CHAT: variants seen among roughly 807,000 people sequenced by gnomAD.
CHAT encodes the protein acetyl CoA:choline O-acetyltransferase.
A neutral mutation model predicts 76.9 loss-of-function variants in CHAT; 61 were observed. That is an observed-to-expected ratio of 0.79 (90% confidence interval 0.65 to 0.98). CHAT has a LOEUF of 0.98. Ranked by LOEUF, CHAT falls within the 50% of genes least tolerant of loss-of-function variation. The probability of loss-of-function intolerance (pLI) is 0.00; values close to 1 mark genes in which losing one functional copy is unlikely to be tolerated. For synonymous variants in CHAT, 407 were observed against 397.4 expected (o/e 1.02, Z -0.29); for missense variants, 946 against 986.9 (o/e 0.96, Z 0.56).
At chr10:49,642,673 G>C (rs12358003) in intron 7 of CHAT, among the ~76,000 whole-genome samples, 14,640 of 152,322 alleles carry the variant, frequency 0.096, 958 homozygotes, top group Non-Finnish European at 0.14. Context: ...GCATGCTGTG[G>C]GCTGCCTCAG....
intron 14 of CHAT, among the ~76,000 whole-genome samples, chr10:49,664,450 C>T (rs545439833): frequency 6.6e-6 from 1 of 152,274 alleles, no homozygotes; most frequent in East Asian, 1.9e-4. Context: ...TAGTAAATTA[C>T]CTGATTGCCT....
intron 13 of CHAT, among the ~76,000 whole-genome samples, chr10:49,658,455 T>C (rs1420475069): frequency 6.6e-6 from 1 of 151,874 alleles, no homozygotes; most frequent in Admixed American, 6.6e-5. Flanking sequence ...GAGGTGGAGG[T>C]TGCAGTGAGC....
chr10:49,660,501 C>T (rs1840160500), intron 13 of CHAT, among the ~76,000 whole-genome samples: 1 of 150,418 alleles, frequency 6.6e-6, no homozygotes, highest in East Asian at 1.9e-4. Flanking sequence ...ATAGGTAAAA[C>T]TGAGAAATTC....
chr10:49,614,145 T>C lies in CHAT; in HGVS notation c.-45T>C. 1 of 1,501,438 alleles carries C rather than the reference T, an allele frequency of 6.7e-7. No homozygotes were observed. Among genetic ancestry groups the C allele is most frequent in the South Asian group, 1.2e-5 (1 of 82,938 alleles). The allele number at this position is 1,501,438 out of a possible 1,614,324, so 93.0% of individuals were successfully genotyped here. On this transcript the variant is annotated 5_prime_UTR_variant, in exon 1 of 15. Coordinates refer to ENST00000337653, the MANE Select transcript of CHAT (RefSeq NM_020549.5). ...TCCGGGAAGCGCTCCGGGTAGATTC[T>C]GGGGGCCGGGAGCTGAGATCCCTGG...
At chr10:49,641,416 G>A (rs1839477131) in intron 7 of CHAT, among the ~76,000 whole-genome samples, 1 of 152,152 alleles carries the variant, frequency 6.6e-6, no homozygotes, top group Non-Finnish European at 1.5e-5. Context: ...CGGGAGGAAT[G>A]GGGAAAAGTA....
intron 4 of CHAT, among the ~76,000 whole-genome samples, chr10:49,621,520 C>T (rs1308638386): frequency 6.6e-6 from 1 of 152,200 alleles, no homozygotes; most frequent in African/African-American, 2.4e-5. Flanking sequence ...TGCCTTTCCC[C>T]AAGCACTCGA....
Position 49,627,750 on chromosome 10 carries a change from G to A in CHAT, c.1076G>A (p.Ser359Asn), listed in dbSNP as rs1564477272. 2.5e-6 allele frequency: 4 copies of A among 1,614,030 alleles called. No homozygotes were observed. Among genetic ancestry groups the A allele is most frequent in the Non-Finnish European group, 3.4e-6 (4 of 1,179,892 alleles). ...GGCCTGCTGACGTCTGACGGGAGGA[G>A]CGAGTGGGCCGAGGCCAGGACGGTC... ...PIGLLTSDGR[S>N]EWAEARTVLV... is the part of the protein sequence containing the mutation. The change falls in exon 7 of 15, where the codon AGC becomes AAC. Residue 359 changes from serine (S) to asparagine (N), a missense_variant. Transcript: ENST00000337653.
intron 13 of CHAT, among the ~76,000 whole-genome samples, chr10:49,657,104 C>A (rs1840059616): frequency 1.3e-5 from 2 of 152,160 alleles, no homozygotes. Context: ...GCTTGGGAGA[C>A]TGGGTAATTT....
chr10:49,619,772 G>C lies in CHAT; in HGVS notation c.435G>C (p.Thr145=). 1.2e-6 allele frequency: 2 copies of C among 1,613,896 alleles called. No homozygotes were observed. Among genetic ancestry groups the C allele is most frequent in the Non-Finnish European group, 1.7e-6 (2 of 1,180,022 alleles). ...PVPPLQQTLA[T]YLQCMRHLVS... ...CCCCGCTGCAGCAGACCCTGGCCAC[G>C]TACCTGCAGTGCATGCGACACTTGG... Residue 145 remains threonine (T), a synonymous_variant, in exon 3 of 15, where the codon ACG becomes ACC. Transcript: ENST00000337653.
upstream of CHAT, chr10:49,612,139 C>T (rs1211145611): frequency 1.2e-6 from 2 of 1,611,912 alleles, no homozygotes; most frequent in Non-Finnish European, 1.7e-6. Context: ...TCCCGTCTTG[C>T]TGCTGCTCCG....
intron 7 of CHAT, among the ~76,000 whole-genome samples, 197 bp from the exon 8 acceptor site, chr10:49,646,308 G>T (rs915406048): frequency 6.6e-6 from 1 of 152,224 alleles, no homozygotes; most frequent in Admixed American, 6.5e-5. Context: ...CCTGGGGTAG[G>T]ACAGAGGCTC....
rs148330192 is a variant in CHAT at position 49,641,766 on chromosome 10, G to C, written c.1112-4739G>C. 2.2e-3 allele frequency among the ~76,000 whole-genome samples: 338 copies of C among 152,288 alleles called. 2 individuals carry two copies. Among genetic ancestry groups the C allele is most frequent in the African/African-American group, 7.7e-3 (322 of 41,550 alleles). On this transcript the variant is annotated intron_variant, in intron 7 of 14. Coordinates refer to ENST00000337653, the MANE Select transcript of CHAT (RefSeq NM_020549.5). The stretch of plus-strand genomic sequence containing the variant: ...GACTGTGAGAAGGGGGATGGGCATG[G>C]CATAGAAATCTGACTTGTGCTAACT...
intron 7 of CHAT, 147 bp downstream of exon 7, chr10:49,627,932 A>G (rs1838983790): frequency 1.1e-6 from 1 of 907,736 alleles, no homozygotes; most frequent in Non-Finnish European, 1.7e-6. Context: ...GGCCAGCCAC[A>G]GTGCCTTGCC....
intron 6 of CHAT, 101 bp downstream of exon 6, chr10:49,625,754 A>T: frequency 2.3e-5 from 29 of 1,237,870 alleles, no homozygotes; most frequent in Non-Finnish European, 3.0e-5. Context: ...TCCTTCCCTG[A>T]GTCACACAGG....
At chr10:49,610,196 A>T (rs1838252054), upstream of CHAT, 2 of 150,692 alleles carry the variant, frequency 1.3e-5, no homozygotes, top group South Asian at 4.1e-4. Context: ...CGCCCCGCCG[A>T]CGTCGCATTA....
chr10:49,614,794 C>T (rs1443995498), intron 1 of CHAT, among the ~76,000 whole-genome samples: 1 of 152,118 alleles, frequency 6.6e-6, no homozygotes, highest in East Asian at 1.9e-4. Flanking sequence ...TGGGTCTGAC[C>T]CGACTCGCCT....
intron 1 of CHAT, among the ~76,000 whole-genome samples, chr10:49,615,564 G>A (rs954571493): frequency 1.3e-5 from 2 of 152,206 alleles, no homozygotes; most frequent in Non-Finnish European, 2.9e-5. Flanking sequence ...GGGGAGAGGG[G>A]TGAGGAAATT....
intron 1 of CHAT, 94 bp downstream of exon 1, chr10:49,614,569 G>A: frequency 9.1e-7 from 1 of 1,093,528 alleles, no homozygotes; most frequent in Non-Finnish European, 1.3e-6. Context: ...CCGGGGCCGA[G>A]AGGCCCCAGG....
At chr10:49,618,220 G>A (rs1590558659) in intron 2 of CHAT, among the ~76,000 whole-genome samples, 1 of 152,296 alleles carries the variant, frequency 6.6e-6, no homozygotes, top group Middle Eastern at 3.4e-3. Flanking sequence ...CTTCAGGTCC[G>A]GAGATCAGCT....
Sources: gnomAD v4.1 joint callset for allele counts (sites outside exome capture counted in the v4.1 genomes callset) on GRCh38, gnomAD v4.1.1 for gene constraint, MANE v1.5 for transcripts, NCBI Gene and HGNC (gene_info 2026-07-23, HGNC 2026-07-21) for gene names.